ADAMTSL2: variants seen among roughly 807,000 people sequenced by gnomAD.
ADAMTSL2 encodes ADAMTS-like protein 2.
In ADAMTSL2, 55 loss-of-function variants were observed where a neutral mutation model predicts 117.0. The observed-to-expected ratio is 0.47, with a 90% confidence interval of 0.38 to 0.59. The LOEUF (loss-of-function observed/expected upper bound fraction) is 0.59. ADAMTSL2 is among the 20% of genes least tolerant of loss of function. The pLI is 0.00. For synonymous variants in ADAMTSL2, 572 were observed against 566.4 expected, an observed-to-expected ratio of 1.01 and a Z score of -0.14; for missense variants, 1,182 against 1,354.5, an observed-to-expected ratio of 0.87 and a Z score of 2.00.
chr9:133,545,209 A>G (rs1001382537), intron 8 of ADAMTSL2, among the ~76,000 whole-genome samples: 1 of 152,180 alleles, frequency 6.6e-6, no homozygotes, highest in Non-Finnish European at 1.5e-5. Flanking sequence ...CCCTTGGGCC[A>G]CAGTGGGCAG....
Position 133,554,362 on chromosome 9 carries a change from G to T in ADAMTSL2, c.945G>T (p.Trp315Cys). The change falls in exon 10 of 19, where the codon TGG (tryptophan) becomes TGT (cysteine). Residue 315 changes from tryptophan (W) to cysteine (C), a missense_variant. Trp to Cys is a radical substitution (Grantham distance 215, BLOSUM62 -2). Around this residue, in one of 3 missense-constraint regions of ADAMTSL2, gnomAD observed 372 missense variants for 463.4 expected, o/e 0.80. Coordinates refer to ENST00000651351, the MANE Select transcript of ADAMTSL2 (RefSeq NM_014694.4). This position sits in a 1 kb window ranked among gnomAD's most constrained non-coding sequence, Gnocchi z 5.2. Reference sequence around the variant, plus strand: ...ACCCACTTCTCTTTCCCTAGGTGTGGAACCAGAACGGCAAAAGCCCCTCCA... The same window carrying T: ...ACCCACTTCTCTTTCCCTAGGTGTGTAACCAGAACGGCAAAAGCCCCTCCA... ...PTNQGLNVMVWNQNGKSPSIT... is the reference protein window; with the variant it reads ...PTNQGLNVMVCNQNGKSPSIT... The T allele has an allele frequency of 6.4e-7, 1 of 1,551,882 alleles. No homozygotes were observed. Among genetic ancestry groups the T allele is most frequent in the African/African-American group, 1.3e-5 (1 of 74,282 alleles).
At chr9:133,533,943 G>A (rs1588270953), upstream of ADAMTSL2, among the ~76,000 whole-genome samples, 1 of 152,228 alleles carries the variant, frequency 6.6e-6, no homozygotes, top group Non-Finnish European at 1.5e-5. Flanking sequence ...AAAGTCTGGG[G>A]CCCGCCGGGA....
intron 7 of ADAMTSL2, among the ~76,000 whole-genome samples, chr9:133,543,334 C>T (rs1830269887): frequency 6.6e-6 from 1 of 152,214 alleles, no homozygotes; most frequent in Non-Finnish European, 1.5e-5. Flanking sequence ...TAGCTTCAGT[C>T]GCTTGCTTCA....
chr9:133,565,036 T>C (rs1379905009), intron 12 of ADAMTSL2, among the ~76,000 whole-genome samples: 3 of 152,080 alleles, frequency 2.0e-5, no homozygotes, highest in African/African-American at 7.2e-5. Flanking sequence ...GAGCGTGAGT[T>C]TGGCCTCGGC....
intron 17 of ADAMTSL2, among the ~76,000 whole-genome samples, chr9:133,571,514 G>A (rs1588311982): frequency 6.6e-6 from 1 of 152,180 alleles, no homozygotes; most frequent in East Asian, 1.9e-4. Flanking sequence ...CTCTCCTGCT[G>A]TTTTCCCCTT....
chr9:133,563,820 AGAGAGAGAGAGAGAGAGAGAGAGG>A (rs1830808587), intron 12 of ADAMTSL2, among the ~76,000 whole-genome samples: 1 of 33,868 alleles, frequency 3.0e-5, no homozygotes, highest in African/African-American at 1.3e-4. Flanking sequence ...AGAAAGGGGG[AGAGAGAGAGAGAGAGAGAGAGAGG>A]GAGAGAGAGA....
At chr9:133,539,145 G>A (rs1244587498) in intron 4 of ADAMTSL2, among the ~76,000 whole-genome samples, 1 of 152,134 alleles carries the variant, frequency 6.6e-6, no homozygotes, top group East Asian at 1.9e-4. Flanking sequence ...GGTGGCCACC[G>A]CTTCTGTGTT....
chr9:133,563,108 T>G (rs1830785815), intron 12 of ADAMTSL2, among the ~76,000 whole-genome samples: 1 of 152,246 alleles, frequency 6.6e-6, no homozygotes, highest in South Asian at 2.1e-4. Flanking sequence ...TTTCCACAGG[T>G]GAACTGGGAC....
At chr9:133,565,910 C>G (rs1830962160) in intron 12 of ADAMTSL2, among the ~76,000 whole-genome samples, 1 of 152,144 alleles carries the variant, frequency 6.6e-6, no homozygotes, top group African/African-American at 2.4e-5. Flanking sequence ...AACCCCACCC[C>G]AAGGCCGTTC....
chr9:133,541,826 G>A (rs1379007900), intron 7 of ADAMTSL2, among the ~76,000 whole-genome samples: 1 of 152,210 alleles, frequency 6.6e-6, no homozygotes, highest in Non-Finnish European at 1.5e-5. Flanking sequence ...ATCGGGGGTG[G>A]GCGTCTGTGC....
At chr9:133,543,540 G>A (rs949776017) in intron 7 of ADAMTSL2, among the ~76,000 whole-genome samples, 6 of 152,174 alleles carry the variant, frequency 3.9e-5, no homozygotes, top group African/African-American at 9.7e-5. Flanking sequence ...TCCAGAGCAC[G>A]GCTGTCTGTG....
At chr9:133,568,547 T>C (rs1331219554) in intron 14 of ADAMTSL2, 56 bp from the exon 15 acceptor site, 1 of 1,561,012 alleles carries the variant, frequency 6.4e-7, no homozygotes, top group African/African-American at 1.4e-5. Flanking sequence ...GCTTGGGAGA[T>C]GGAGGTGGCT....
intron 12 of ADAMTSL2, among the ~76,000 whole-genome samples, chr9:133,564,189 A>G (rs1432122599): frequency 1.2e-4 from 7 of 59,432 alleles, no homozygotes; most frequent in Non-Finnish European, 2.1e-4. Context: ...AGAGGGAGAG[A>G]GAGAGAGAGG....
intron 17 of ADAMTSL2, among the ~76,000 whole-genome samples, chr9:133,573,352 C>T (rs975590663): frequency 2.0e-5 from 3 of 152,286 alleles, no homozygotes; most frequent in South Asian, 4.1e-4. Flanking sequence ...GGTGACTTCG[C>T]GAGATGCATT....
At chr9:133,573,803 C>G in intron 17 of ADAMTSL2, 40 bp from the exon 18 acceptor site, 3 of 1,613,422 alleles carry the variant, frequency 1.9e-6, no homozygotes, top group Middle Eastern at 1.7e-4. Context: ...CCTGCCCCAT[C>G]AGGAGGCTTT....
chr9:133,532,407 T>C (rs1829963783), upstream of ADAMTSL2: 1 of 152,182 alleles, frequency 6.6e-6, no homozygotes, highest in African/African-American at 2.4e-5. Flanking sequence ...ATGTTGGCCA[T>C]GCTGGTCTCA....
At chr9:133,559,527 T>C (rs1830681091) in intron 11 of ADAMTSL2, among the ~76,000 whole-genome samples, 1 of 145,722 alleles carries the variant, frequency 6.9e-6, no homozygotes, top group Admixed American at 6.9e-5. Flanking sequence ...TTTTTTTTTG[T>C]ATTTTTAGTA....
chr9:133,539,879 T>C lies in ADAMTSL2; in HGVS notation c.412+6T>C. 1 of 1,550,688 alleles carries C rather than the reference T, an allele frequency of 6.4e-7. No individual in the cohort carries two copies. The highest frequency in any genetic ancestry group is 8.7e-7 in the Non-Finnish European group (1 of 1,146,840). On this transcript the variant is annotated splice_donor_region_variant and intron_variant, in intron 5 of 18. Coordinates refer to ENST00000651351, the MANE Select transcript of ADAMTSL2 (RefSeq NM_014694.4). The stretch of plus-strand genomic sequence containing the variant: ...GTGGAAGCCTCTGTACCCGGGTACC[T>C]GCCGCCCTGGGGACCCACCTTGCAG...
chr9:133,555,426 A>G (rs1484959540), intron 10 of ADAMTSL2, 132 bp from the exon 11 acceptor site: 16 of 1,169,404 alleles, frequency 1.4e-5, no homozygotes, highest in Non-Finnish European at 2.0e-5. Context: ...AGTTAGGCAG[A>G]AGCCCTCCTT....
Sources: allele counts gnomAD v4.1 joint callset (sites outside exome capture counted in the v4.1 genomes callset), GRCh38; gene constraint gnomAD v4.1.1; regional missense constraint gnomAD v4.1.1; non-coding constraint Gnocchi (gnomAD v3.1); transcripts MANE v1.5; gene names NCBI Gene and HGNC (gene_info 2026-07-23, HGNC 2026-07-21).